CTNNA2: variants seen among roughly 807,000 people sequenced by gnomAD.
CTNNA2 encodes the protein catenin alpha-2.
Under a neutral mutation model 101.0 loss-of-function variants are expected in CTNNA2, and 42 were observed. The ratio of observed to expected loss-of-function variants is 0.42; its 90% CI spans 0.32 to 0.54. CTNNA2 has a LOEUF of 0.54. CTNNA2 is among the 20% of genes least tolerant of loss of function. The pLI is 0.14. For missense variants in CTNNA2, 871 were observed against 1,223.1 expected (o/e 0.71, Z 4.29); for synonymous variants, 450 against 456.4 (o/e 0.99, Z 0.18).
chr2:80,564,619 T>C (rs911404004), intron 12 of CTNNA2, among the ~76,000 whole-genome samples: 1 of 152,116 alleles, frequency 6.6e-6, no homozygotes, highest in Non-Finnish European at 1.5e-5. Flanking sequence ...ATTTGATTTA[T>C]GTTTGAAATA....
intron 4 of CTNNA2, among the ~76,000 whole-genome samples, chr2:79,411,878 C>G (rs1558660976): frequency 1.3e-5 from 2 of 152,220 alleles, no homozygotes; most frequent in South Asian, 2.1e-4. Flanking sequence ...ATGACAGAAT[C>G]AAATTCACAC....
At chr2:80,189,545 C>T (rs1706343553) in intron 7 of CTNNA2, among the ~76,000 whole-genome samples, 2 of 152,156 alleles carry the variant, frequency 1.3e-5, no homozygotes, top group Admixed American at 1.3e-4. Flanking sequence ...GCATTGAGTT[C>T]CTAGTAGCCT....
chr2:80,085,115 A>T (rs1418813026), intron 7 of CTNNA2, among the ~76,000 whole-genome samples: 1 of 152,114 alleles, frequency 6.6e-6, no homozygotes, highest in South Asian at 2.1e-4. Flanking sequence ...GAATAGGCCA[A>T]GTTAAGGTGA....
intron 9 of CTNNA2, among the ~76,000 whole-genome samples, chr2:80,457,978 G>C (rs1444432770): frequency 6.6e-6 from 1 of 152,130 alleles, no homozygotes; most frequent in Non-Finnish European, 1.5e-5. Flanking sequence ...CTATCCTCTA[G>C]TGCCTTCCTT....
intron 8 of CTNNA2, among the ~76,000 whole-genome samples, chr2:80,398,549 C>T (rs1020339315): frequency 2.0e-5 from 3 of 151,874 alleles, no homozygotes; most frequent in African/African-American, 7.3e-5. Flanking sequence ...AACCCAGAGA[C>T]AGCTAAATAG....
chr2:80,338,295 T>TG (rs1671927482), intron 7 of CTNNA2, among the ~76,000 whole-genome samples: 1 of 133,252 alleles, frequency 7.5e-6, no homozygotes, highest in Non-Finnish European at 1.5e-5. Context: ...GGCCTTTTTT[T>TG]CTTTTTCTTT....
intron 1 of CTNNA2, among the ~76,000 whole-genome samples, chr2:79,592,619 T>G (rs1676937076): frequency 6.6e-6 from 1 of 152,202 alleles, no homozygotes; most frequent in African/African-American, 2.4e-5. Context: ...CCACACAAAC[T>G]CTTGCCTTTG....
chr2:79,335,785 T>G (rs1676981568), intron 3 of CTNNA2, among the ~76,000 whole-genome samples: 1 of 152,200 alleles, frequency 6.6e-6, no homozygotes, highest in Admixed American at 6.5e-5. Context: ...CAGCTCAATC[T>G]ATGTAAGCAA....
chr2:80,616,916 C>T (rs1182018983), intron 17 of CTNNA2, among the ~76,000 whole-genome samples: 1 of 151,706 alleles, frequency 6.6e-6, no homozygotes, highest in Non-Finnish European at 1.5e-5. Flanking sequence ...TTTGATGCAG[C>T]CTAGTTTTGC....
At chr2:80,613,803 G>T (rs1428734397) in intron 17 of CTNNA2, among the ~76,000 whole-genome samples, 1 of 151,450 alleles carries the variant, frequency 6.6e-6, no homozygotes, top group Non-Finnish European at 1.5e-5. Context: ...ACCTTAACTG[G>T]AGACATGGAT....
intron 9 of CTNNA2, among the ~76,000 whole-genome samples, chr2:80,539,728 G>T (rs1206938877): frequency 6.6e-6 from 1 of 152,140 alleles, no homozygotes; most frequent in African/African-American, 2.4e-5. Context: ...AGTTAAGAAG[G>T]AGAGCTTTCC....
At chr2:79,443,385 T>G (rs1037174291) in intron 4 of CTNNA2, among the ~76,000 whole-genome samples, 4 of 152,086 alleles carry the variant, frequency 2.6e-5, no homozygotes, top group Non-Finnish European at 4.4e-5. Flanking sequence ...GACAGATAAT[T>G]TGCCCTTCCT....
At chr2:79,870,985 A>C (rs1026485314) in intron 5 of CTNNA2, among the ~76,000 whole-genome samples, 1 of 152,194 alleles carries the variant, frequency 6.6e-6, no homozygotes, top group Non-Finnish European at 1.5e-5. Flanking sequence ...AGTTTCAGCT[A>C]ACTCTGTTTG....
rs372123438 is a variant in CTNNA2 at position 80,567,935 on chromosome 2, C to A, written c.1742-6228C>A. On this transcript the variant is annotated intron_variant, in intron 12 of 18. Coordinates refer to ENST00000402739, the MANE Select transcript of CTNNA2 (RefSeq NM_001282597.3). ...ACTGTTTATCTCTCTCGAACAGGGG[C>A]TTTGTCTATTTTCTTTTCTCTATGC... Among the ~76,000 whole-genome samples the A allele has an allele frequency of 7.9e-5, 12 of 152,134 alleles. 1 individual carries two copies. The East Asian group carries it at 2.1e-3, about 27-fold the overall frequency.
chr2:79,811,834 A>G (rs1444079308), intron 3 of CTNNA2, among the ~76,000 whole-genome samples: 1 of 152,174 alleles, frequency 6.6e-6, no homozygotes, highest in East Asian at 1.9e-4. Context: ...ACACCTTAAC[A>G]TTATTAAAAC....
intron 4 of CTNNA2, among the ~76,000 whole-genome samples, chr2:79,384,956 A>G (rs766817586): frequency 1.3e-5 from 2 of 152,140 alleles, no homozygotes; most frequent in African/African-American, 2.4e-5. Flanking sequence ...AGGCAATCAC[A>G]TTTTTTATCC....
At chr2:79,767,962 T>C (rs552930860) in intron 3 of CTNNA2, among the ~76,000 whole-genome samples, 149 of 151,906 alleles carry the variant, frequency 9.8e-4, no homozygotes, top group African/African-American at 3.5e-3. Context: ...GTATGTCACA[T>C]GCCCCTTCAG....
intron 2 of CTNNA2, among the ~76,000 whole-genome samples, chr2:79,673,811 C>A (rs1423345182): frequency 3.3e-5 from 5 of 152,044 alleles, no homozygotes; most frequent in Non-Finnish European, 7.4e-5. Flanking sequence ...TGTCTGCTTT[C>A]CTTAGTCTCC....
At chr2:80,406,473 A>G (rs1424026961) in intron 8 of CTNNA2, among the ~76,000 whole-genome samples, 1 of 152,088 alleles carries the variant, frequency 6.6e-6, no homozygotes, top group African/African-American at 2.4e-5. Context: ...CTCCTTTGAA[A>G]TACAAAAGCT....
Sources: allele counts gnomAD v4.1 joint callset (sites outside exome capture counted in the v4.1 genomes callset), GRCh38; gene constraint gnomAD v4.1.1; transcripts MANE v1.5; gene names NCBI Gene and HGNC (gene_info 2026-07-23, HGNC 2026-07-21).